The following DPP7 variants were observed in gnomAD, a reference collection of about 807,000 sequenced individuals.
The protein encoded by DPP7 is dipeptidyl peptidase 2.
A neutral mutation model predicts 58.8 loss-of-function variants in DPP7; 74 were observed. The observed-to-expected ratio is 1.26, with a 90% CI of 1.04 to 1.53. The LOEUF (loss-of-function observed/expected upper bound fraction) is 1.53. Ranked by LOEUF, DPP7 falls within the 40% of genes most tolerant of loss-of-function variation. DPP7 has a pLI of 0.00. For missense variants in DPP7, 807 were observed against 692.3 expected (o/e 1.17, Z -1.86); for synonymous variants, 350 against 303.6 (o/e 1.15, Z -1.59).
In DPP7 at chr9:137,111,980, A is replaced by G. The variant is rs78671427; in HGVS notation, c.1100T>C (p.Met367Thr). 3.7e-3 allele frequency: 5,920 copies of G among 1,613,118 alleles called. 14 individuals are homozygous for G. The highest frequency in any genetic ancestry group is 4.5e-3 in the Non-Finnish European group (5,337 of 1,179,732). ...LTFASNNVTD[M>T]FPDLPFTDEL... ...GTCAGTGAAGGGCAGGTCCGGGAAC[A>G]TATCGGTCACATTGTTGCTGGCGAA... The change falls in exon 10 of 13, where the codon ATG becomes ACG. Residue 367 changes from methionine to threonine, a missense_variant. Met to Thr is a moderately conservative substitution (Grantham distance 81). Coordinates refer to ENST00000371579, the MANE Select transcript of DPP7 (RefSeq NM_013379.3).
At chr9:137,115,430 G>A (rs975059245), upstream of DPP7, among the ~76,000 whole-genome samples, 1 of 152,180 alleles carries the variant, frequency 6.6e-6, no homozygotes, top group Admixed American at 6.5e-5. Context: ...TTTCCCCAGC[G>A]TCCAGTTCAG....
At chr9:137,110,999 C>T in intron 11 of DPP7, 49 bp from the exon 12 acceptor site, 2 of 1,584,900 alleles carry the variant, frequency 1.3e-6, no homozygotes, top group Non-Finnish European at 8.6e-7. Context: ...AGGCAACTGC[C>T]CAGCCTCCGT....
chr9:137,112,170 C>T lies in DPP7; in HGVS notation c.992G>A (p.Ser331Asn), dbSNP rs1172885954. Residue 331 changes from serine to asparagine, a missense_variant, in exon 9 of 13, where the codon AGC becomes AAC. Around this residue, in one of 3 missense-constraint regions of DPP7, gnomAD observed 624 missense variants for 531.2 expected, o/e 1.17. Coordinates refer to ENST00000371579, the MANE Select transcript of DPP7 (RefSeq NM_013379.3). ...GCCGCAGCCAGTGGGGTCAGCACAGCTGTGGTAGAGCCGGTAGATGTCGTA... is the reference window on the plus strand; with the variant it reads ...GCCGCAGCCAGTGGGGTCAGCACAGTTGTGGTAGAGCCGGTAGATGTCGTA... ...HCYDIYRLYH[S>N]CADPTGCGTG... is the part of the protein sequence containing the mutation. The T allele has an allele frequency of 6.2e-7, 1 of 1,608,950 alleles. No individual in the cohort carries two copies. Among genetic ancestry groups the T allele is most frequent in the Non-Finnish European group, 8.5e-7 (1 of 1,179,702 alleles).
upstream of DPP7, among the ~76,000 whole-genome samples, chr9:137,115,564 A>G (rs955922896): frequency 6.6e-6 from 1 of 152,100 alleles, no homozygotes; most frequent in Non-Finnish European, 1.5e-5. Context: ...TCAGCTACAG[A>G]GAGTTACCCT....
At chr9:137,116,108 C>T (rs915476046), upstream of DPP7, among the ~76,000 whole-genome samples, 1 of 152,186 alleles carries the variant, frequency 6.6e-6, no homozygotes, top group African/African-American at 2.4e-5. Flanking sequence ...GCTGGGCCCA[C>T]AGAGGGGCCA....
chr9:137,113,704 T>G, intron 4 of DPP7, 161 bp downstream of exon 4: 1 of 1,418,474 alleles, frequency 7.0e-7, no homozygotes, highest in Non-Finnish European at 9.2e-7. Flanking sequence ...GGAGGACAGG[T>G]GGGAGGGCTT....
chr9:137,110,980 T>C, intron 11 of DPP7, 30 bp from the exon 12 acceptor site: 1 of 1,608,602 alleles, frequency 6.2e-7, no homozygotes, highest in South Asian at 1.1e-5. Context: ...CTCCATCAGG[T>C]GAGGAACGAG....
At chr9:137,111,633 G>A in intron 11 of DPP7, 57 bp downstream of exon 11, 2 of 1,579,096 alleles carry the variant, frequency 1.3e-6, no homozygotes, top group Non-Finnish European at 1.7e-6. Flanking sequence ...GAAAGACCCT[G>A]TCTCAAAAAA....
At chr9:137,112,270 G>A in intron 8 of DPP7, 40 bp from the exon 9 acceptor site, 1 of 1,529,574 alleles carries the variant, frequency 6.5e-7, no homozygotes, top group Non-Finnish European at 8.8e-7. Flanking sequence ...GCCACACACA[G>A]ACACACCGCG....
chr9:137,112,116 T>G lies in DPP7; in HGVS notation c.1046A>C (p.Tyr349Ser). ...AGGCCACCCACACCCCCACACCTGGTAGTCCCAGGCCCTGGCGTCGGGGCC... is the reference window on the plus strand; with the variant it reads ...AGGCCACCCACACCCCCACACCTGGGAGTCCCAGGCCCTGGCGTCGGGGCC... The part of the protein sequence containing the change: ...GTGPDARAWD[Y>S]QACTEINLTF... Residue 349 changes from tyrosine to serine, a missense_variant, in exon 9 of 13, where the codon TAC (tyrosine) becomes TCC (serine). Physicochemically the swap from Tyr to Ser is moderately radical, Grantham distance 144. Around this residue, in one of 3 missense-constraint regions of DPP7, gnomAD observed 624 missense variants for 531.2 expected, o/e 1.17. Coordinates refer to ENST00000371579, the MANE Select transcript of DPP7 (RefSeq NM_013379.3). The G allele has an allele frequency of 6.2e-7, 1 of 1,611,574 alleles. No individual in the cohort carries two copies.
Position 137,113,515 on chromosome 9 carries a change from G to A in DPP7, c.486-19C>T, listed in dbSNP as rs776545944. The A allele has an allele frequency of 1.3e-6, 2 of 1,531,854 alleles. No individual in the cohort carries two copies. Among genetic ancestry groups the A allele is most frequent in the Non-Finnish European group, 1.8e-6 (2 of 1,139,378 alleles). The allele number at this position is 1,531,854 out of a possible 1,614,324, so 94.9% of individuals were successfully genotyped here. On this transcript the variant is annotated intron_variant, in intron 4 of 12. Coordinates refer to ENST00000371579, the MANE Select transcript of DPP7 (RefSeq NM_013379.3). ...CCCATAACTGGGTGAGGGACACAGG[G>A]TTAGGGCTGCTGCCCCCAACACCCC...
At position 137,111,928 on chromosome 9, in the gene DPP7, G is replaced by A. The variant is rs1240677658; in HGVS notation, c.1152C>T (p.Asp384=). 3.7e-6 allele frequency: 6 copies of A among 1,613,364 alleles called. No individual in the cohort carries two copies. The highest frequency in any genetic ancestry group is 2.2e-5 in the East Asian group (1 of 44,854). ...CGGGCCGGGGCCACACGCCCCAGGTGTCCAGGCAGTACCGCTGGCGGAGCT... is the reference window on the plus strand; with the variant it reads ...CGGGCCGGGGCCACACGCCCCAGGTATCCAGGCAGTACCGCTGGCGGAGCT... ...TDELRQRYCL[D]TWGVWPRPDW... Residue 384 remains aspartate, a synonymous_variant, in exon 10 of 13, where the codon GAC becomes GAT. Coordinates refer to ENST00000371579, the MANE Select transcript of DPP7 (RefSeq NM_013379.3).
In DPP7 at chr9:137,113,737, C is replaced by T. The variant is rs1385060799; in HGVS notation, c.485+128G>A. The T allele has an allele frequency of 5.6e-6, 8 of 1,416,368 alleles. No homozygotes were observed. The South Asian group carries it at 6.1e-5, about 11-fold the overall frequency. The allele number at this position is 1,416,368 out of a possible 1,614,324, so 87.7% of individuals were successfully genotyped here. A position where few individuals can be genotyped will look rare whatever the true frequency, so the allele number is the denominator to read the frequency against. On this transcript the variant is annotated intron_variant, in intron 4 of 12. Transcript: ENST00000371579. Reference sequence around the variant, plus strand: ...CTTCCTGGGGGAGGCAACACTAAGCCTGGAACCACTGCCTGAGGCCTTACG... The same window carrying T: ...CTTCCTGGGGGAGGCAACACTAAGCTTGGAACCACTGCCTGAGGCCTTACG...
rs201593460 is a variant in DPP7 at position 137,112,147 on chromosome 9, C to T, written c.1015G>A (p.Gly339Ser). 1.4e-4 allele frequency: 223 copies of T among 1,610,346 alleles called. No homozygotes were observed. In the East Asian group the frequency reaches 4.7e-3, roughly 34 times the overall value. The change falls in exon 9 of 13, where the codon GGC (glycine) becomes AGC (serine). Residue 339 changes from glycine to serine, a missense_variant. Gly to Ser is a moderately conservative substitution (Grantham distance 56). This residue lies in a region of DPP7 where 624 missense variants were observed against 531.2 expected (regional missense o/e 1.17). Coordinates refer to ENST00000371579, the MANE Select transcript of DPP7 (RefSeq NM_013379.3). Reference sequence around the variant, plus strand: ...CAGGCCCTGGCGTCGGGGCCGGTGCCGCAGCCAGTGGGGTCAGCACAGCTG... The same window carrying T: ...CAGGCCCTGGCGTCGGGGCCGGTGCTGCAGCCAGTGGGGTCAGCACAGCTG... Reference protein sequence around the residue: ...YHSCADPTGCGTGPDARAWDY... With the variant: ...YHSCADPTGCSTGPDARAWDY...
chr9:137,114,767 G>GCGCTCCTCCCTCCAGGCCC (rs1831580192), upstream of DPP7: 1 of 1,228,680 alleles, frequency 8.1e-7, no homozygotes, highest in South Asian at 3.2e-5. Flanking sequence ...CCGCCAGGGC[G>GCGCTCCTCCCTCCAGGCCC]CGCTCCTCCC....
chr9:137,114,521 G>GTCCAGACGCTGCTGGAAGAAGCGC lies in DPP7; in HGVS notation c.99_122dup (p.Glu33_Leu40dup). On this transcript the variant is annotated inframe_insertion, in exon 2 of 13. Coordinates refer to ENST00000371579, the MANE Select transcript of DPP7 (RefSeq NM_013379.3). ...TGCCGAAGCGCTCGAAGTTGAAGTG[G>GTCCAGACGCTGCTGGAAGAAGCGC]TCCAGACGCTGCTGGAAGAAGCGCT... is the stretch of plus-strand genomic sequence containing the variant. 6.3e-7 allele frequency: 1 copy of GTCCAGACGCTGCTGGAAGAAGCGC among 1,581,632 alleles called. No homozygotes were observed. The highest frequency in any genetic ancestry group is 8.6e-7 in the Non-Finnish European group (1 of 1,165,142).
At chr9:137,112,076 C>A (rs1373406225) in intron 9 of DPP7, 36 bp downstream of exon 9, 2 of 1,611,908 alleles carry the variant, frequency 1.2e-6, no homozygotes, top group Non-Finnish European at 1.7e-6. Flanking sequence ...CCCACCCTTG[C>A]CCCCGAGTGG....
upstream of DPP7, among the ~76,000 whole-genome samples, chr9:137,115,809 C>T (rs1831620179): frequency 6.6e-6 from 1 of 152,178 alleles, no homozygotes. Context: ...CCGTCCCCAC[C>T]ACGGCCCTCA....
chr9:137,113,538 C>A (rs1831484485), intron 4 of DPP7, 42 bp from the exon 5 acceptor site: 1 of 1,513,070 alleles, frequency 6.6e-7, no homozygotes, highest in South Asian at 1.3e-5. Context: ...CCCCCAACAC[C>A]CCATTTCCTC....
Sources: gnomAD v4.1 joint callset for allele counts (sites outside exome capture counted in the v4.1 genomes callset) on GRCh38, gnomAD v4.1.1 for gene constraint, gnomAD v4.1.1 regional missense constraint, MANE v1.5 for transcripts, NCBI Gene and HGNC (gene_info 2026-07-23, HGNC 2026-07-21) for gene names.